MCPH1: variants seen among roughly 807,000 people sequenced by gnomAD.
MCPH1 encodes microcephalin 1.
A neutral mutation model predicts 84.5 loss-of-function variants in MCPH1; 104 were observed. That is an observed-to-expected ratio of 1.23 (90% CI 1.05 to 1.45). The LOEUF (loss-of-function observed/expected upper bound fraction) is 1.45, where lower values mean the gene tolerates loss of function less well. Among genes scored for constraint, MCPH1 ranks in the 40% most tolerant of loss-of-function variants. MCPH1 has a pLI of 0.00. For synonymous variants in MCPH1, 514 were observed against 366.8 expected (o/e 1.40, Z -4.58); for missense variants, 1,498 against 1,005.7 (o/e 1.49, Z -6.62).
intron 12 of MCPH1, among the ~76,000 whole-genome samples, chr8:6,608,747 G>T (rs538487891): frequency 2.4e-4 from 37 of 152,298 alleles, no homozygotes; most frequent in African/African-American, 7.9e-4. Flanking sequence ...CAAACTCCCC[G>T]GGTGACTGCC....
chr8:6,524,838 T>G lies in MCPH1; in HGVS notation c.2214+24909T>G, dbSNP rs1161221898. ...GATCATGGTTTCACTGAAGAGAAAA[T>G]GGAGACCCTGAGAAGTCACCTTTGG... On this transcript the variant is annotated intron_variant, in intron 12 of 13. Coordinates refer to ENST00000344683, the MANE Select transcript of MCPH1 (RefSeq NM_024596.5). Among the ~76,000 whole-genome samples, 3 of 152,146 alleles carry G rather than the reference T, an allele frequency of 2.0e-5. No individual in the cohort carries two copies. The East Asian group carries it at 5.8e-4, about 29-fold the overall frequency.
intron 12 of MCPH1, chr8:6,620,369 A>G (rs895268260): frequency 6.6e-6 from 1 of 152,258 alleles, no homozygotes; most frequent in Non-Finnish European, 1.5e-5. Context: ...AAAACCTAGC[A>G]GAAGAATAGT....
chr8:6,491,544 A>G (rs1810588428), intron 11 of MCPH1, among the ~76,000 whole-genome samples: 1 of 151,556 alleles, frequency 6.6e-6, no homozygotes, highest in Non-Finnish European at 1.5e-5. Context: ...TTACATATGT[A>G]TGCATGTGCC....
intron 12 of MCPH1, among the ~76,000 whole-genome samples, chr8:6,586,825 T>A (rs1053460439): frequency 1.3e-5 from 2 of 152,286 alleles, no homozygotes; most frequent in East Asian, 3.9e-4. Context: ...GATGAGAGAT[T>A]AGGACACTTA....
chr8:6,551,695 T>C (rs566759587), intron 12 of MCPH1, among the ~76,000 whole-genome samples: 2 of 152,322 alleles, frequency 1.3e-5, no homozygotes, highest in South Asian at 4.2e-4. Flanking sequence ...TGGAAAAGTT[T>C]AAGGAAATTT....
At chr8:6,534,329 T>C (rs571547752) in intron 12 of MCPH1, among the ~76,000 whole-genome samples, 2 of 152,316 alleles carry the variant, frequency 1.3e-5, no homozygotes, top group African/African-American at 2.4e-5. Context: ...ATTTAGAGTA[T>C]ACGAGAGGAT....
chr8:6,546,358 C>T (rs1218690702), intron 12 of MCPH1, among the ~76,000 whole-genome samples: 1 of 152,162 alleles, frequency 6.6e-6, no homozygotes, highest in Non-Finnish European at 1.5e-5. Context: ...CTCTGTAAAG[C>T]TAGGTTTTTG....
chr8:6,567,067 C>G lies in MCPH1; in HGVS notation c.2215-54387C>G, dbSNP rs7838154. On this transcript the variant is annotated intron_variant, in intron 12 of 13. Coordinates refer to ENST00000344683, the MANE Select transcript of MCPH1 (RefSeq NM_024596.5). ...GATCGGCAAGGCCATGGATAGTGCA[C>G]GCGGTGTGGTGACCGTGTGTGATCG... is the stretch of plus-strand genomic sequence containing the variant. Among the ~76,000 whole-genome samples the G allele has an allele frequency of 4.5e-4, 62 of 136,802 alleles. 4 individuals carry two copies. The highest frequency in any genetic ancestry group is 1.6e-4 in the Non-Finnish European group (10 of 63,496). The allele number at this position is 136,802 out of a possible 152,430, so 89.7% of individuals were successfully genotyped here. A position where few individuals can be genotyped will look rare whatever the true frequency, so the allele number is the denominator to read the frequency against.
At chr8:6,411,834 C>T (rs1454089225) in intron 2 of MCPH1, among the ~76,000 whole-genome samples, 1 of 152,082 alleles carries the variant, frequency 6.6e-6, no homozygotes, top group Non-Finnish European at 1.5e-5. Flanking sequence ...GGGGGCGGGA[C>T]GCGGGCATGT....
chr8:6,432,353 T>C (rs931618664), intron 4 of MCPH1, among the ~76,000 whole-genome samples: 2 of 152,264 alleles, frequency 1.3e-5, no homozygotes, highest in Non-Finnish European at 2.9e-5. Context: ...CACTGTATTT[T>C]TTTTTAATTT....
intron 13 of MCPH1, among the ~76,000 whole-genome samples, chr8:6,641,972 G>A (rs986199670): frequency 6.6e-6 from 1 of 152,122 alleles, no homozygotes; most frequent in Non-Finnish European, 1.5e-5. Flanking sequence ...CATTTGTATT[G>A]AGAAGACAAC....
At chr8:6,591,063 TA>T (rs1053719225) in intron 12 of MCPH1, among the ~76,000 whole-genome samples, 2 of 152,172 alleles carry the variant, frequency 1.3e-5, no homozygotes, top group African/African-American at 4.8e-5. Context: ...CACACCCGGT[TA>T]ATTGTGTATT....
intron 12 of MCPH1, among the ~76,000 whole-genome samples, chr8:6,538,326 G>T (rs564015581): frequency 6.6e-6 from 1 of 152,056 alleles, no homozygotes; most frequent in Non-Finnish European, 1.5e-5. Context: ...TCCCGCCCAG[G>T]GTCCACTGTC....
At chr8:6,517,767 C>T (rs1481808714) in intron 12 of MCPH1, among the ~76,000 whole-genome samples, 1 of 152,174 alleles carries the variant, frequency 6.6e-6, no homozygotes, top group African/African-American at 2.4e-5. Flanking sequence ...TTAAATGACT[C>T]GCCCAGAGCC....
intron 12 of MCPH1, among the ~76,000 whole-genome samples, chr8:6,590,203 A>C (rs1563161761): frequency 9.7e-6 from 1 of 102,862 alleles, no homozygotes; most frequent in African/African-American, 3.8e-5. Context: ...TTAAGTGAAC[A>C]ACAAAAAAAA....
chr8:6,513,876 C>T, intron 12 of MCPH1: 3 of 1,571,116 alleles, frequency 1.9e-6, no homozygotes, highest in Non-Finnish European at 2.6e-6. Flanking sequence ...TCAATTATTT[C>T]ATGTAATTTT....
intron 12 of MCPH1, among the ~76,000 whole-genome samples, chr8:6,553,161 G>C (rs1290688953): frequency 1.3e-5 from 2 of 152,184 alleles, no homozygotes; most frequent in African/African-American, 4.8e-5. Flanking sequence ...TCTGGTGCAG[G>C]ATGTTGATCG....
intron 12 of MCPH1, chr8:6,620,863 A>G (rs1035428889): frequency 6.3e-6 from 1 of 159,904 alleles, no homozygotes; most frequent in East Asian, 1.9e-4. Context: ...TCATTGAAAC[A>G]ATCTCGAGAC....
At chr8:6,537,739 GTCA>G (rs1293154766) in intron 12 of MCPH1, among the ~76,000 whole-genome samples, 3 of 152,090 alleles carry the variant, frequency 2.0e-5, no homozygotes, top group Non-Finnish European at 4.4e-5. Flanking sequence ...CACCAAGATT[GTCA>G]TCATTATTTT....
Sources: allele counts gnomAD v4.1 joint callset (sites outside exome capture counted in the v4.1 genomes callset), GRCh38; gene constraint gnomAD v4.1.1; transcripts MANE v1.5; gene names NCBI Gene and HGNC (gene_info 2026-07-23, HGNC 2026-07-21).